FN1: variants seen among roughly 807,000 people sequenced by gnomAD.
FN1 encodes fibronectin.
In FN1, 106 loss-of-function variants were observed where a neutral mutation model predicts 297.3. The ratio of observed to expected loss-of-function variants is 0.36; its 90% CI spans 0.30 to 0.42. FN1 has a LOEUF of 0.42. FN1 is among the 10% of genes least tolerant of loss of function. FN1 has a pLI of 1.00. For missense variants in FN1, 2,690 were observed against 3,124.9 expected (o/e 0.86, Z 3.32); for synonymous variants, 1,149 against 1,152.6 (o/e 1.00, Z 0.06).
chr2:215,430,949 G>T, intron 4 of FN1, 97 bp from the exon 5 acceptor site: 3 of 1,365,494 alleles, frequency 2.2e-6, no homozygotes, highest in Non-Finnish European at 3.1e-6. Flanking sequence ...CAAAAATTCA[G>T]CCACATTTTT....
Position 215,414,880 on chromosome 2 carries a change from G to T in FN1, c.1898C>A (p.Pro633Gln). Residue 633 changes from proline to glutamine, a missense_variant, in exon 13 of 46, where the codon CCA becomes CAA. This residue lies in a region of FN1 where 876 missense variants were observed against 1,058.1 expected (regional missense o/e 0.83). Coordinates refer to ENST00000354785, the MANE Select transcript of FN1 (RefSeq NM_212482.4). The part of the protein sequence containing the change: ...PNSHPIQWNA[P>Q]QPSHISKYIL... ...GTACTTGGAAATGTGAGATGGCTGT[G>T]GTGCATTCCACTGGATGGGGTGGGA... The T allele has an allele frequency of 6.2e-7, 1 of 1,613,540 alleles. No individual in the cohort carries two copies. The highest frequency in any genetic ancestry group is 8.5e-7 in the Non-Finnish European group (1 of 1,179,536).
chr2:215,428,225 C>A lies in FN1; in HGVS notation c.799G>T (p.Glu267Ter). 1 of 1,614,252 alleles carries A rather than the reference C, an allele frequency of 6.2e-7. No homozygotes were observed. Among genetic ancestry groups the A allele is most frequent in the Non-Finnish European group, 8.5e-7 (1 of 1,180,052 alleles). ...GAGGTGTGCCTCTCACACTTCCACT[C>A]TCCTCGGCCGTTGCCTGTGCAGATG... ...QCICTGNGRG[E>*]WKCERHTSVQ... Residue 267 changes from glutamate to a stop codon, truncating the protein, a stop_gained, in exon 6 of 46, where the codon GAG (glutamate) becomes TAG (stop). Transcript: ENST00000354785. LOFTEE classifies it high-confidence loss of function.
intron 36 of FN1, among the ~76,000 whole-genome samples, chr2:215,376,219 C>T (rs1210644368): frequency 6.6e-6 from 1 of 151,948 alleles, no homozygotes; most frequent in Non-Finnish European, 1.5e-5. Flanking sequence ...AGTTTTAAAC[C>T]TTATGTTACA....
chr2:215,397,314 T>C lies in FN1; in HGVS notation c.3518-91A>G, dbSNP rs2060415441. On this transcript the variant is annotated intron_variant, in intron 22 of 45. Transcript: ENST00000354785. ...TCCTTCCCTACCTCCCTCTCTTCCATGCTTCTTCCCTCCCTCCCTCCCTCC... is the reference window on the plus strand; with the variant it reads ...TCCTTCCCTACCTCCCTCTCTTCCACGCTTCTTCCCTCCCTCCCTCCCTCC... 5.5e-6 allele frequency: 5 copies of C among 910,610 alleles called. No homozygotes were observed. In the East Asian group the frequency reaches 9.6e-5, roughly 17 times the overall value. 56.4% of individuals were successfully genotyped at this position (910,610 alleles called of 1,614,324 possible).
chr2:215,412,008 G>A (rs973138323), intron 13 of FN1, among the ~76,000 whole-genome samples: 2 of 151,856 alleles, frequency 1.3e-5, no homozygotes, highest in African/African-American at 4.8e-5. Flanking sequence ...CCATTGCAAT[G>A]GTCTCACATA....
chr2:215,434,093 T>C (rs1032640339), intron 2 of FN1, among the ~76,000 whole-genome samples: 2 of 151,864 alleles, frequency 1.3e-5, no homozygotes, highest in Non-Finnish European at 2.9e-5. Flanking sequence ...AGAGCAAGAC[T>C]CTGTCTCAAA....
Position 215,423,379 on chromosome 2 carries a change from T to C in FN1, c.1364A>G (p.Asp455Gly). The change falls in exon 9 of 46, where the codon GAC becomes GGC. Residue 455 changes from aspartate (D) to glycine (G), a missense_variant. By Grantham distance (94) the Asp-to-Gly change is moderately conservative. Around this residue, in one of 3 missense-constraint regions of FN1, gnomAD observed 876 missense variants for 1,058.1 expected, o/e 0.83. Coordinates refer to ENST00000354785, the MANE Select transcript of FN1 (RefSeq NM_212482.4). ...CATGGGGCAGAACCCAAACTTCTGGTCGGCATCATAGTTCTGTGTGGTCCC... is the reference window on the plus strand; with the variant it reads ...CATGGGGCAGAACCCAAACTTCTGGCCGGCATCATAGTTCTGTGTGGTCCC... ...WCGTTQNYDA[D>G]QKFGFCPMAA... 6.2e-7 allele frequency: 1 copy of C among 1,614,184 alleles called. No individual in the cohort carries two copies. The highest frequency in any genetic ancestry group is 8.5e-7 in the Non-Finnish European group (1 of 1,180,022).
At chr2:215,409,350 CCAGGAA>C (rs2062235562) in intron 15 of FN1, among the ~76,000 whole-genome samples, 1 of 152,058 alleles carries the variant, frequency 6.6e-6, no homozygotes, top group South Asian at 2.1e-4. Flanking sequence ...GCATCAGGGA[CCAGGAA>C]CATGTGACAG....
intron 25 of FN1, 74 bp downstream of exon 25, chr2:215,392,857 A>T: frequency 6.5e-7 from 1 of 1,539,752 alleles, no homozygotes; most frequent in East Asian, 2.2e-5. Context: ...TGAAACATCC[A>T]TATTTAACCG....
intron 20 of FN1, among the ~76,000 whole-genome samples, chr2:215,400,751 C>CAAAAAAAA (rs1175226865): frequency 7.1e-5 from 4 of 56,220 alleles, no homozygotes; most frequent in African/African-American, 8.9e-5. Flanking sequence ...GGCTCCATCT[C>CAAAAAAAA]AAAAAAAAAA....
Position 215,401,288 on chromosome 2 carries a change from AAGAG to A in FN1, c.3254-1941_3254-1938del, listed in dbSNP as rs34156003. The stretch of plus-strand genomic sequence containing the variant: ...GAAGGAAAGGAAAGGAAAGGAAGAA[AAGAG>A]AGAGAGAGAAAGGAAGGAAGGAAGG... On this transcript the variant is annotated intron_variant, in intron 20 of 45. Coordinates refer to ENST00000354785, the MANE Select transcript of FN1 (RefSeq NM_212482.4). 1.9e-4 allele frequency among the ~76,000 whole-genome samples: 25 copies of A among 133,484 alleles called. 1 individual carries two copies. The highest frequency in any genetic ancestry group is 2.9e-4 in the Non-Finnish European group (18 of 62,432). The allele number at this position is 133,484 out of a possible 152,430, so 87.6% of individuals were successfully genotyped here.
In FN1 at chr2:215,391,778, A is replaced by G. The variant is rs2059735467; in HGVS notation, c.4106T>C (p.Ile1369Thr). The G allele has an allele frequency of 1.9e-6, 3 of 1,614,164 alleles. No homozygotes were observed. Among genetic ancestry groups the G allele is most frequent in the Non-Finnish European group, 2.5e-6 (3 of 1,179,998 alleles). The change falls in exon 26 of 46, where the codon ATT (isoleucine) becomes ACT (threonine). Residue 1369 changes from isoleucine to threonine, a missense_variant. By Grantham distance (89) the Ile-to-Thr change is moderately conservative (BLOSUM62 -1). This residue lies in a region of FN1 where 1,743 missense variants were observed against 1,945.2 expected (regional missense o/e 0.90). Transcript: ENST00000354785. ...GGTGACACGCATGGTGTCTGGACCAATGTTGGTGAATCGCAGGTCAGTGGG... is the reference window on the plus strand; with the variant it reads ...GGTGACACGCATGGTGTCTGGACCAGTGTTGGTGAATCGCAGGTCAGTGGG... Reference protein sequence around the residue: ...PPPTDLRFTNIGPDTMRVTWA... With the variant: ...PPPTDLRFTNTGPDTMRVTWA...
chr2:215,414,433 CT>C (rs978972485), intron 13 of FN1, among the ~76,000 whole-genome samples: 8 of 150,762 alleles, frequency 5.3e-5, no homozygotes, highest in East Asian at 1.9e-4. Context: ...ATTAATTTGG[CT>C]TTTTTTTTCA....
At chr2:215,407,426 A>G (rs2061911165) in intron 17 of FN1, 105 bp from the exon 18 acceptor site, 1 of 931,128 alleles carries the variant, frequency 1.1e-6, no homozygotes, top group Non-Finnish European at 1.8e-6. Flanking sequence ...ATCTTGCTTG[A>G]TTAGTGAAGA....
rs1270873193 is a variant in FN1, at chr2:215,362,078, C to T, written c.7253G>A (p.Gly2418Asp). ...CSCTCFGGQRGWRCDNCRRPG... is the reference protein window; with the variant it reads ...CSCTCFGGQRDWRCDNCRRPG... The stretch of plus-strand genomic sequence containing the variant: ...TCTGCGGCAGTTGTCACAGCGCCAG[C>T]CCTGAGAGAGTAGAGGCATGAAGTC... The change falls in exon 45 of 46, where the codon GGC becomes GAC. Residue 2418 changes from glycine (G) to aspartate (D), a missense_variant and splice_region_variant. Coordinates refer to ENST00000354785, the MANE Select transcript of FN1 (RefSeq NM_212482.4). The T allele has an allele frequency of 1.2e-6, 2 of 1,612,922 alleles. No homozygotes were observed. The highest frequency in any genetic ancestry group is 3.3e-5 in the Admixed American group (2 of 60,016).
At chr2:215,404,305 T>TTTTTTG in intron 20 of FN1, 84 bp downstream of exon 20, 7 of 1,324,288 alleles carry the variant, frequency 5.3e-6, no homozygotes, top group South Asian at 1.3e-5. Context: ...TAATGTTTTT[T>TTTTTTG]TTGTTTTGTT....
intron 12 of FN1, among the ~76,000 whole-genome samples, chr2:215,417,637 G>A (rs1046396401): frequency 6.6e-6 from 1 of 152,156 alleles, no homozygotes. Context: ...AGGCCACGGA[G>A]CAAACCAGAC....
At chr2:215,411,168 T>C (rs957073643) in intron 13 of FN1, among the ~76,000 whole-genome samples, 2 of 152,230 alleles carry the variant, frequency 1.3e-5, no homozygotes, top group Non-Finnish European at 2.9e-5. Context: ...GCTTCCAGTT[T>C]ATATTTCACA....
Position 215,408,489 on chromosome 2 carries a change from C to A in FN1, c.2300-63G>T, listed in dbSNP as rs78210391. ...ACTAGTCCCTCAAATGACTCTACAG[C>A]TTATAAGAAGGATATTTTAAGAATT... is the stretch of plus-strand genomic sequence containing the variant. On this transcript the variant is annotated intron_variant, in intron 15 of 45. Transcript: ENST00000354785. 0.011 allele frequency: 16,431 copies of A among 1,508,526 alleles called. 115 individuals carry two copies. The highest frequency in any genetic ancestry group is 0.014 in the Non-Finnish European group (15,076 of 1,085,016). The allele number at this position is 1,508,526 out of a possible 1,614,324, so 93.4% of individuals were successfully genotyped here.
Sources: gnomAD v4.1 joint callset for allele counts (sites outside exome capture counted in the v4.1 genomes callset) on GRCh38, gnomAD v4.1.1 for gene constraint, gnomAD v4.1.1 regional missense constraint, MANE v1.5 for transcripts, NCBI Gene and HGNC (gene_info 2026-07-23, HGNC 2026-07-21) for gene names.